Variants in AGAP1 observed in about 807,000 individuals in gnomAD.
AGAP1 encodes the protein ArfGAP with GTPase domain, ankyrin repeat and PH domain 1.
Under a neutral mutation model 105.3 loss-of-function variants are expected in AGAP1, and 29 were observed. That is an observed-to-expected ratio of 0.28 (90% confidence interval 0.21 to 0.38). AGAP1 has a LOEUF of 0.38. AGAP1 is among the 10% of genes least tolerant of loss of function. The pLI, the probability that AGAP1 is intolerant of heterozygous loss-of-function variation, is 1.00. For missense variants in AGAP1, 998 were observed against 1,165.1 expected (o/e 0.86, Z 2.09); for synonymous variants, 509 against 485.9 (o/e 1.05, Z -0.63).
intron 6 of AGAP1, among the ~76,000 whole-genome samples, chr2:235,767,418 G>T (rs942629456): frequency 7.2e-5 from 11 of 152,324 alleles, no homozygotes; most frequent in African/African-American, 2.6e-4. Flanking sequence ...GGCTCTGCGG[G>T]CTGGGGGTCC....
rs1418244323 is a variant in AGAP1 at position 236,058,734 on chromosome 2, A to C, written c.2114+9453A>C. 6.6e-6 allele frequency among the ~76,000 whole-genome samples: 1 copy of C among 152,250 alleles called. No individual in the cohort carries two copies. The highest frequency in any genetic ancestry group is 1.5e-5 in the Non-Finnish European group (1 of 68,042). The stretch of plus-strand genomic sequence containing the variant: ...GTTCAAGCCAGGGAATTAGGCAAGA[A>C]GAAGAAACCAAAAGCATCCAGATTT... On this transcript the variant is annotated intron_variant, in intron 16 of 17. Coordinates refer to ENST00000304032, the MANE Select transcript of AGAP1 (RefSeq NM_001037131.3). This position sits in a 1 kb window ranked among gnomAD's most constrained non-coding sequence, Gnocchi z 4.6.
At chr2:235,673,477 T>A (rs1291465067) in intron 1 of AGAP1, among the ~76,000 whole-genome samples, 1 of 152,244 alleles carries the variant, frequency 6.6e-6, no homozygotes, top group Non-Finnish European at 1.5e-5. Context: ...TATAGAACGC[T>A]GCTTGTGAGA....
chr2:235,536,488 C>G (rs1943234039), intron 1 of AGAP1, among the ~76,000 whole-genome samples: 1 of 147,928 alleles, frequency 6.8e-6, no homozygotes, highest in South Asian at 2.2e-4. Context: ...CACACACACA[C>G]ACACACAGAG....
intron 6 of AGAP1, among the ~76,000 whole-genome samples, chr2:235,791,804 C>T (rs1156535997): frequency 6.6e-6 from 1 of 152,202 alleles, no homozygotes; most frequent in African/African-American, 2.4e-5. Flanking sequence ...GCCTCAGCCT[C>T]CCAAAGTGCT....
intron 16 of AGAP1, among the ~76,000 whole-genome samples, chr2:236,052,835 AACAATTAACT>A (rs1188097077): frequency 2.6e-5 from 4 of 152,184 alleles, no homozygotes; most frequent in Non-Finnish European, 5.9e-5. Flanking sequence ...GCAATGCTAC[AACAATTAACT>A]ACATCTGGGG....
intron 16 of AGAP1, among the ~76,000 whole-genome samples, chr2:236,106,886 G>A (rs868204896): frequency 1.3e-5 from 2 of 152,212 alleles, no homozygotes; most frequent in South Asian, 2.1e-4. Flanking sequence ...GCTGGGCCCC[G>A]TGGAGGTGGC....
At position 235,799,922 on chromosome 2, in the gene AGAP1, G is replaced by A. The variant is rs2150052166; in HGVS notation, c.957+400G>A. ...CCACAGGCCCTCTTCTTCTTCTGCT[G>A]GGGTGCCTGGCGCTGCCCTCGGGGT... On this transcript the variant is annotated intron_variant, in intron 8 of 17. Coordinates refer to ENST00000304032, the MANE Select transcript of AGAP1 (RefSeq NM_001037131.3). The surrounding 1 kb of genome is among the most constrained non-coding windows in gnomAD (Gnocchi z 5.0). Among the ~76,000 whole-genome samples, 1 of 152,062 alleles carries A rather than the reference G, an allele frequency of 6.6e-6. No individual in the cohort carries two copies. Among genetic ancestry groups the A allele is most frequent in the Non-Finnish European group, 1.5e-5 (1 of 67,984 alleles).
rs1383027133 is a variant in AGAP1 at position 235,930,506 on chromosome 2, A to G, written c.1325-259A>G. 6.6e-6 allele frequency among the ~76,000 whole-genome samples: 1 copy of G among 152,138 alleles called. No individual in the cohort carries two copies. Among genetic ancestry groups the G allele is most frequent in the African/African-American group, 2.4e-5 (1 of 41,434 alleles). ...TTGCGGTTGGGTTGCGTCTTTGTAT[A>G]GGGTTGTTCGGTGCGAGCCATCTGT... On this transcript the variant is annotated intron_variant, in intron 11 of 17. Coordinates refer to ENST00000304032, the MANE Select transcript of AGAP1 (RefSeq NM_001037131.3). The surrounding 1 kb of genome is among the most constrained non-coding windows in gnomAD (Gnocchi z 7.9).
intron 16 of AGAP1, among the ~76,000 whole-genome samples, chr2:236,070,802 C>T (rs1023546012): frequency 2.1e-4 from 32 of 152,080 alleles, no homozygotes; most frequent in Non-Finnish European, 2.9e-5. Flanking sequence ...GGGGGATGGG[C>T]AGTGCTTGCT....
At chr2:235,580,793 AAG>A (rs974137626) in intron 1 of AGAP1, among the ~76,000 whole-genome samples, 2 of 152,132 alleles carry the variant, frequency 1.3e-5, no homozygotes, top group Non-Finnish European at 2.9e-5. Flanking sequence ...TCAAGGTGGA[AAG>A]AGAAAAAAAT....
chr2:235,912,946 G>A (rs902235193), intron 11 of AGAP1, among the ~76,000 whole-genome samples: 1 of 152,084 alleles, frequency 6.6e-6, no homozygotes, highest in African/African-American at 2.4e-5. Flanking sequence ...AATTGTTTAG[G>A]TGTATCCTTT....
chr2:236,059,168 A>G (rs2125747737), intron 16 of AGAP1, among the ~76,000 whole-genome samples: 1 of 152,306 alleles, frequency 6.6e-6, no homozygotes, highest in South Asian at 2.1e-4. Context: ...CTTTAAAAAA[A>G]AAAAAAATTC....
intron 1 of AGAP1, among the ~76,000 whole-genome samples, chr2:235,688,922 T>TTGC (rs1214128388): frequency 6.6e-6 from 1 of 152,156 alleles, no homozygotes; most frequent in Non-Finnish European, 1.5e-5. Flanking sequence ...AGTAACGCAA[T>TTGC]TGCAGCAGCA....
At chr2:235,538,537 T>C (rs769614605) in intron 1 of AGAP1, among the ~76,000 whole-genome samples, 10 of 150,248 alleles carry the variant, frequency 6.7e-5, no homozygotes, top group Non-Finnish European at 1.2e-4. Flanking sequence ...CTCTGCACAG[T>C]TCTCTGCATA....
chr2:236,044,476 C>T lies in AGAP1; in HGVS notation c.1891+3635C>T, dbSNP rs545880351. Among the ~76,000 whole-genome samples the T allele has an allele frequency of 1.4e-4, 22 of 152,150 alleles. No individual in the cohort carries two copies. Among genetic ancestry groups the T allele is most frequent in the Non-Finnish European group, 8.8e-5 (6 of 68,026 alleles). The stretch of plus-strand genomic sequence containing the variant: ...CCCATGAAGCCCTGGTTGGAGCTGA[C>T]CGTGCGCTGGTCCCTCCCACCCTGC... On this transcript the variant is annotated intron_variant, in intron 15 of 17. Transcript: ENST00000304032. This position sits in a 1 kb window ranked among gnomAD's most constrained non-coding sequence, Gnocchi z 5.7.
Position 235,994,229 on chromosome 2 carries a change from T to C in AGAP1, c.1645+25606T>C, listed in dbSNP as rs2055692865. ...TCATTTTGGCAAGACACCTTCGTCT[T>C]AGAGTGCCTACATCCATTTCTGTTG... On this transcript the variant is annotated intron_variant, in intron 13 of 17. Coordinates refer to ENST00000304032, the MANE Select transcript of AGAP1 (RefSeq NM_001037131.3). This position sits in a 1 kb window ranked among gnomAD's most constrained non-coding sequence, Gnocchi z 4.4. 6.6e-6 allele frequency among the ~76,000 whole-genome samples: 1 copy of C among 152,214 alleles called. No individual in the cohort carries two copies. Among genetic ancestry groups the C allele is most frequent in the Non-Finnish European group, 1.5e-5 (1 of 68,030 alleles).
rs2060010799 is a variant in AGAP1 at position 236,126,780 on chromosome 2, G to A, written c.*2658G>A. The A allele has an allele frequency of 6.6e-6, 1 of 152,164 alleles. No homozygotes were observed. The highest frequency in any genetic ancestry group is 6.5e-5 in the Admixed American group (1 of 15,274). 9.4% of individuals were successfully genotyped at this position (152,164 alleles called of 1,614,324 possible). On this transcript the variant is annotated 3_prime_UTR_variant, in exon 18 of 18. Transcript: ENST00000304032. ...GAGGGTCTTTCGAAAAAAAGAAGACGGGGCAGCTTTGCCCAGAGCTCGTTG... is the reference window on the plus strand; with the variant it reads ...GAGGGTCTTTCGAAAAAAAGAAGACAGGGCAGCTTTGCCCAGAGCTCGTTG...
rs751630519 is a variant in AGAP1, at chr2:235,891,158, C to G, written c.1155+7709C>G. On this transcript the variant is annotated intron_variant, in intron 10 of 17. Transcript: ENST00000304032. This position sits in a 1 kb window ranked among gnomAD's most constrained non-coding sequence, Gnocchi z 4.2. ...TAACATCAGGGAAGTCCCAGGCAATCTGGGACCTGGCCGCACTTGCTGCAG... is the reference window on the plus strand; with the variant it reads ...TAACATCAGGGAAGTCCCAGGCAATGTGGGACCTGGCCGCACTTGCTGCAG... 1.3e-5 allele frequency among the ~76,000 whole-genome samples: 2 copies of G among 152,174 alleles called. No homozygotes were observed. The highest frequency in any genetic ancestry group is 2.9e-5 in the Non-Finnish European group (2 of 68,034).
rs890254580 is a variant in AGAP1 at position 235,793,025 on chromosome 2, C to A, written c.674-4734C>A. On this transcript the variant is annotated intron_variant, in intron 6 of 17. Coordinates refer to ENST00000304032, the MANE Select transcript of AGAP1 (RefSeq NM_001037131.3). This position sits in a 1 kb window ranked among gnomAD's most constrained non-coding sequence, Gnocchi z 5.3. ...GGAGGATGAGAAAGAGAAGTTCCAG[C>A]CGGAGGAGGAAAACCAGGGACGTCA... Among the ~76,000 whole-genome samples the A allele has an allele frequency of 1.3e-5, 2 of 152,110 alleles. No homozygotes were observed. The highest frequency in any genetic ancestry group is 6.5e-5 in the Admixed American group (1 of 15,276).
Sources: allele counts gnomAD v4.1 joint callset (sites outside exome capture counted in the v4.1 genomes callset), GRCh38; gene constraint gnomAD v4.1.1; non-coding constraint Gnocchi (gnomAD v3.1); transcripts MANE v1.5; gene names NCBI Gene and HGNC (gene_info 2026-07-23, HGNC 2026-07-21).